Variants in TPRG1 observed in about 807,000 individuals in gnomAD.
TPRG1 encodes the protein tumor protein p63-regulated gene 1 protein.
TPRG1 carries 29 observed loss-of-function variants against 29.3 expected under a neutral mutation model. That is an observed-to-expected ratio of 0.99 (90% CI 0.74 to 1.35). The LOEUF is 1.35. Among genes scored for constraint, TPRG1 ranks in the 40% most tolerant of loss-of-function variants. TPRG1 has a pLI of 0.00. For missense variants in TPRG1, 327 were observed against 335.0 expected (o/e 0.98, Z 0.19); for synonymous variants, 130 against 116.8 (o/e 1.11, Z -0.73).
At chr3:189,242,090 A>T (rs899514428) in intron 4 of TPRG1, among the ~76,000 whole-genome samples, 2 of 152,182 alleles carry the variant, frequency 1.3e-5, no homozygotes, top group Non-Finnish European at 2.9e-5. Flanking sequence ...CAACGAACTT[A>T]TATTTCATCT....
chr3:189,176,154 A>G (rs1298855418), intron 1 of TPRG1, among the ~76,000 whole-genome samples: 2 of 152,232 alleles, frequency 1.3e-5, no homozygotes, highest in Admixed American at 6.5e-5. Context: ...AAGGTATTTT[A>G]TAAATAACCA....
At chr3:189,023,723 T>C (rs749906848) in intron 3 of TPRG1, 2 of 152,914 alleles carry the variant, frequency 1.3e-5, no homozygotes, top group Non-Finnish European at 2.9e-5. Flanking sequence ...TTGTTTTTCT[T>C]TTAACAGTCT....
At position 189,223,557 on chromosome 3, in the gene TPRG1, G is replaced by T. The variant is rs533530169; in HGVS notation, c.302+8174G>T. ...CATTATAAGACAGTGAGGGCACTTA[G>T]TTGCTACAGTCACAAATGTACTTGG... is the stretch of plus-strand genomic sequence containing the variant. On this transcript the variant is annotated intron_variant, in intron 3 of 5. Coordinates refer to ENST00000345063, the MANE Select transcript of TPRG1 (RefSeq NM_198485.4). 2.0e-5 allele frequency among the ~76,000 whole-genome samples: 3 copies of T among 152,328 alleles called. No homozygotes were observed. The South Asian group carries it at 6.2e-4, about 32-fold the overall frequency.
intron 3 of TPRG1, among the ~76,000 whole-genome samples, chr3:189,223,669 C>T (rs1433989314): frequency 6.6e-6 from 1 of 152,134 alleles, no homozygotes; most frequent in African/African-American, 2.4e-5. Context: ...AGCGAAATGC[C>T]TAGCTACATC....
intron 1 of TPRG1, among the ~76,000 whole-genome samples, chr3:189,100,847 C>A: frequency 6.6e-6 from 1 of 152,136 alleles, no homozygotes. Flanking sequence ...GCTTCCACCG[C>A]AAGCTAAGTT....
intron 3 of TPRG1, among the ~76,000 whole-genome samples, chr3:189,017,266 A>G (rs1198734819): frequency 2.0e-5 from 3 of 151,188 alleles, no homozygotes; most frequent in Non-Finnish European, 2.9e-5. Flanking sequence ...TTTAGGGTAC[A>G]TGTGCACATT....
At chr3:188,997,788 A>G (rs1193512959) in intron 1 of TPRG1, among the ~76,000 whole-genome samples, 1 of 152,154 alleles carries the variant, frequency 6.6e-6, no homozygotes, top group Non-Finnish European at 1.5e-5. Context: ...TGTCTCCTAT[A>G]TATCTTTATG....
chr3:189,152,242 GT>G (rs936854614), intron 5 of TPRG1, among the ~76,000 whole-genome samples: 2 of 152,148 alleles, frequency 1.3e-5, no homozygotes, highest in African/African-American at 4.8e-5. Flanking sequence ...GTCTGAGGCT[GT>G]TTAATTACCA....
At chr3:189,158,820 G>A (rs547123260) in intron 5 of TPRG1, among the ~76,000 whole-genome samples, 21 of 151,868 alleles carry the variant, frequency 1.4e-4, no homozygotes, top group Non-Finnish European at 2.2e-4. Context: ...CTCATCCGAA[G>A]TCTAAAACAA....
chr3:189,223,344 T>C (rs1438801782), intron 3 of TPRG1, among the ~76,000 whole-genome samples: 1 of 152,190 alleles, frequency 6.6e-6, no homozygotes, highest in Non-Finnish European at 1.5e-5. Context: ...AGAAAGTGCC[T>C]CAAATCTATC....
intron 2 of TPRG1, among the ~76,000 whole-genome samples, chr3:189,210,034 TA>T (rs900767122): frequency 9.3e-5 from 14 of 151,016 alleles, no homozygotes; most frequent in African/African-American, 2.4e-4. Context: ...ATGATAAACT[TA>T]AAAAAAAAGA....
chr3:189,174,948 C>T (rs950153838), intron 1 of TPRG1, among the ~76,000 whole-genome samples: 3 of 152,278 alleles, frequency 2.0e-5, no homozygotes, highest in Non-Finnish European at 4.4e-5. Flanking sequence ...ATCCAAATTG[C>T]TGAAATACTA....
chr3:189,076,877 A>G (rs770931163), intron 4 of TPRG1, among the ~76,000 whole-genome samples: 14 of 151,992 alleles, frequency 9.2e-5, no homozygotes, highest in Non-Finnish European at 1.9e-4. Flanking sequence ...TTATAGCATT[A>G]TATGCAGAAA....
At chr3:189,226,862 G>T (rs1230185080) in intron 3 of TPRG1, among the ~76,000 whole-genome samples, 1 of 150,188 alleles carries the variant, frequency 6.7e-6, no homozygotes, top group Non-Finnish European at 1.5e-5. Flanking sequence ...GAATGAAACA[G>T]GGGATATCAC....
At chr3:189,143,898 C>T (rs1287398663) in intron 3 of TPRG1, among the ~76,000 whole-genome samples, 1 of 152,136 alleles carries the variant, frequency 6.6e-6, no homozygotes, top group Non-Finnish European at 1.5e-5. Context: ...GGGCCTCTCT[C>T]TCCAATAGCG....
At chr3:189,210,160 A>G (rs1366126431) in intron 2 of TPRG1, among the ~76,000 whole-genome samples, 4 of 152,178 alleles carry the variant, frequency 2.6e-5, no homozygotes, top group Non-Finnish European at 5.9e-5. Context: ...ATGTATATGC[A>G]TATATTTCCT....
chr3:189,108,647 A>T (rs1397084214), intron 1 of TPRG1, among the ~76,000 whole-genome samples: 1 of 151,770 alleles, frequency 6.6e-6, no homozygotes, highest in Non-Finnish European at 1.5e-5. Context: ...TATTCCATAT[A>T]CTAAAAATTC....
chr3:189,297,842 A>G (rs2109246067), intron 4 of TPRG1, among the ~76,000 whole-genome samples: 1 of 152,236 alleles, frequency 6.6e-6, no homozygotes, highest in African/African-American at 2.4e-5. Flanking sequence ...GGACTCATGT[A>G]TGGAACTTGG....
chr3:189,298,049 A>T (rs1720243983), intron 4 of TPRG1, among the ~76,000 whole-genome samples: 1 of 152,210 alleles, frequency 6.6e-6, no homozygotes, highest in Admixed American at 6.5e-5. Context: ...CCAAACTCAT[A>T]TGTATGCAAA....
Sources: allele counts gnomAD v4.1 joint callset (sites outside exome capture counted in the v4.1 genomes callset), GRCh38; gene constraint gnomAD v4.1.1; transcripts MANE v1.5; gene names NCBI Gene and HGNC (gene_info 2026-07-23, HGNC 2026-07-21).